Variants in ACBD6 observed in about 807,000 individuals in gnomAD.
ACBD6 encodes the protein acyl-CoA-binding domain-containing protein 6.
Under a neutral mutation model 37.2 loss-of-function variants are expected in ACBD6, and 28 were observed. The ratio of observed to expected loss-of-function variants is 0.75; its 90% confidence interval spans 0.56 to 1.03. The LOEUF is 1.03. Ranked by LOEUF, ACBD6 falls within the 50% of genes least tolerant of loss-of-function variation. The pLI is 0.00. For synonymous variants in ACBD6, 113 were observed against 126.8 expected, an observed-to-expected ratio of 0.89 and a Z score of 0.73; for missense variants, 340 against 337.4, an observed-to-expected ratio of 1.01 and a Z score of -0.06.
intron 6 of ACBD6, among the ~76,000 whole-genome samples, chr1:180,368,717 C>CATATATAT (rs35113782): frequency 8.8e-5 from 13 of 148,484 alleles, no homozygotes; most frequent in African/African-American, 2.9e-4. Flanking sequence ...ATTATTTTTT[C>CATATATAT]ATATATATAT....
intron 3 of ACBD6, among the ~76,000 whole-genome samples, chr1:180,450,637 G>T (rs1649667205): frequency 6.6e-6 from 1 of 152,172 alleles, no homozygotes; most frequent in South Asian, 2.1e-4. Context: ...GCAGGCGCCT[G>T]TAGTCCCAGC....
intron 7 of ACBD6, among the ~76,000 whole-genome samples, chr1:180,297,440 C>T (rs377349182): frequency 1.8e-4 from 27 of 152,040 alleles, no homozygotes; most frequent in African/African-American, 5.6e-4. Flanking sequence ...CTGCCTTCAG[C>T]GATGTGGGGT....
chr1:180,424,316 G>A (rs967443673), intron 4 of ACBD6, among the ~76,000 whole-genome samples: 3 of 152,112 alleles, frequency 2.0e-5, no homozygotes, highest in Admixed American at 2.0e-4. Flanking sequence ...TACTATACTA[G>A]CATATAATAA....
At chr1:180,393,599 T>G (rs10494528) in intron 6 of ACBD6, among the ~76,000 whole-genome samples, 15,851 of 152,268 alleles carry the variant, frequency 0.1, 1,185 homozygotes, top group African/African-American at 0.2. Flanking sequence ...TTCCATTTAT[T>G]ATGTTTGTAT....
intron 6 of ACBD6, among the ~76,000 whole-genome samples, chr1:180,370,036 T>A (rs1431708042): frequency 6.6e-6 from 1 of 152,226 alleles, no homozygotes; most frequent in African/African-American, 2.4e-5. Context: ...CTCTAAGTAT[T>A]CTTAGCTTAT....
At chr1:180,498,057 A>C (rs1263240011) in intron 1 of ACBD6, among the ~76,000 whole-genome samples, 2 of 152,230 alleles carry the variant, frequency 1.3e-5, no homozygotes. Context: ...AATTTGTAAC[A>C]TCATTCCATG....
At chr1:180,446,016 TG>T (rs1029044402) in intron 3 of ACBD6, among the ~76,000 whole-genome samples, 2 of 151,734 alleles carry the variant, frequency 1.3e-5, no homozygotes, top group African/African-American at 2.4e-5. Flanking sequence ...TACTTTTTTT[TG>T]GGGGGGATGG....
intron 7 of ACBD6, among the ~76,000 whole-genome samples, chr1:180,293,500 G>A (rs546949838): frequency 6.6e-6 from 1 of 151,998 alleles, no homozygotes; most frequent in Non-Finnish European, 1.5e-5. Context: ...TAGAGACGGG[G>A]TTTTGCCACA....
At chr1:180,375,915 G>A (rs191055750) in intron 6 of ACBD6, among the ~76,000 whole-genome samples, 3 of 152,052 alleles carry the variant, frequency 2.0e-5, no homozygotes, top group Admixed American at 1.3e-4. Context: ...AAAAATGGGC[G>A]AAAATATCTA....
At chr1:180,481,524 A>G (rs1481423517) in intron 3 of ACBD6, among the ~76,000 whole-genome samples, 1 of 152,228 alleles carries the variant, frequency 6.6e-6, no homozygotes, top group African/African-American at 2.4e-5. Flanking sequence ...TTCCCTGTGT[A>G]TATTTTAATT....
At chr1:180,496,309 A>C (rs1475773698) in intron 1 of ACBD6, among the ~76,000 whole-genome samples, 4 of 152,150 alleles carry the variant, frequency 2.6e-5, no homozygotes, top group Non-Finnish European at 5.9e-5. Context: ...CATTTACTCT[A>C]TATATCTTTT....
intron 6 of ACBD6, among the ~76,000 whole-genome samples, chr1:180,325,147 G>T (rs187178303): frequency 1.3e-5 from 2 of 151,984 alleles, no homozygotes; most frequent in Non-Finnish European, 2.9e-5. Flanking sequence ...TCTAGATTTG[G>T]GAAGTTCTCT....
intron 3 of ACBD6, among the ~76,000 whole-genome samples, chr1:180,477,835 A>G (rs1198550500): frequency 6.6e-6 from 1 of 152,206 alleles, no homozygotes; most frequent in African/African-American, 2.4e-5. Flanking sequence ...TGCACAAATA[A>G]GAAGTCTTAA....
chr1:180,421,527 T>G (rs1216702043), intron 4 of ACBD6, among the ~76,000 whole-genome samples: 1 of 152,200 alleles, frequency 6.6e-6, no homozygotes. Context: ...GTAAAGGGAT[T>G]GCTGAGTCAA....
intron 6 of ACBD6, among the ~76,000 whole-genome samples, chr1:180,374,727 A>C (rs1653373903): frequency 6.6e-6 from 1 of 152,186 alleles, no homozygotes; most frequent in Non-Finnish European, 1.5e-5. Flanking sequence ...ACATATTTAC[A>C]CCTTCACTTA....
At chr1:180,467,277 T>C (rs1338428909) in intron 3 of ACBD6, among the ~76,000 whole-genome samples, 1 of 151,586 alleles carries the variant, frequency 6.6e-6, no homozygotes, top group Admixed American at 6.6e-5. Context: ...GTTTTATTGA[T>C]ATTCAACATG....
In ACBD6 at chr1:180,297,382, G is replaced by A. The variant is rs573694132; in HGVS notation, c.695-8865C>T. Among the ~76,000 whole-genome samples, 3 of 152,206 alleles carry A rather than the reference G, an allele frequency of 2.0e-5. No homozygotes were observed. The South Asian group carries it at 6.2e-4, about 32-fold the overall frequency. On this transcript the variant is annotated intron_variant, in intron 7 of 7. Coordinates refer to ENST00000367595, the MANE Select transcript of ACBD6 (RefSeq NM_032360.4). ...TGCTTCTAAGTGAATCAAAGTGGAG[G>A]GTAGATTTTTTTGTGAGCTAAAATC... is the stretch of plus-strand genomic sequence containing the variant.
intron 3 of ACBD6, among the ~76,000 whole-genome samples, chr1:180,444,388 G>C (rs1460366703): frequency 6.6e-6 from 1 of 151,944 alleles, no homozygotes; most frequent in Non-Finnish European, 1.5e-5. Context: ...CCTTTCCTGG[G>C]ATTAGTTCCT....
intron 6 of ACBD6, among the ~76,000 whole-genome samples, chr1:180,395,101 A>T (rs543647290): frequency 5.5e-4 from 84 of 152,318 alleles, no homozygotes; most frequent in Middle Eastern, 3.4e-3. Context: ...TCTCTCACAC[A>T]CTGCTGGTGG....
Sources: allele counts gnomAD v4.1 joint callset (sites outside exome capture counted in the v4.1 genomes callset), GRCh38; gene constraint gnomAD v4.1.1; transcripts MANE v1.5; gene names NCBI Gene and HGNC (gene_info 2026-07-23, HGNC 2026-07-21).